PRKG1: variants seen among roughly 807,000 people sequenced by gnomAD.
PRKG1 encodes protein kinase cGMP-dependent 1.
Under a neutral mutation model 88.1 loss-of-function variants are expected in PRKG1, and 35 were observed. The ratio of observed to expected loss-of-function variants is 0.40; its 90% CI spans 0.30 to 0.53. The LOEUF is 0.53. PRKG1 is among the 20% of genes least tolerant of loss of function. The pLI, the probability that PRKG1 is intolerant of heterozygous loss-of-function variation, is 0.59. For missense variants in PRKG1, 540 were observed against 839.8 expected, an observed-to-expected ratio of 0.64 and a Z score of 4.41; for synonymous variants, 303 against 292.5, an observed-to-expected ratio of 1.04 and a Z score of -0.37.
At chr10:50,995,024 T>C (rs1177042145) in intron 1 of PRKG1, among the ~76,000 whole-genome samples, 2 of 152,222 alleles carry the variant, frequency 1.3e-5, no homozygotes, top group Middle Eastern at 3.2e-3. Flanking sequence ...TCTGTGGATT[T>C]TGGTATCCTC....
At chr10:52,240,095 C>T (rs1471605871) in intron 9 of PRKG1, among the ~76,000 whole-genome samples, 1 of 152,142 alleles carries the variant, frequency 6.6e-6, no homozygotes, top group Non-Finnish European at 1.5e-5. Context: ...AAGAAGATCA[C>T]AATTCAATTA....
chr10:52,011,325 A>G (rs726195), intron 5 of PRKG1, among the ~76,000 whole-genome samples: 37,209 of 152,162 alleles, frequency 0.24, 4,766 homozygotes, highest in East Asian at 0.32. Flanking sequence ...AAAAGCCTAC[A>G]TGTGCTGTTA....
At chr10:51,471,636 G>A (rs1028665005) in intron 3 of PRKG1, among the ~76,000 whole-genome samples, 4 of 151,836 alleles carry the variant, frequency 2.6e-5, no homozygotes, top group African/African-American at 7.3e-5. Flanking sequence ...AGGAAAAGGC[G>A]TTTCATTTAC....
chr10:51,877,192 G>A (rs1172573739), intron 4 of PRKG1, among the ~76,000 whole-genome samples: 1 of 152,050 alleles, frequency 6.6e-6, no homozygotes, highest in Non-Finnish European at 1.5e-5. Context: ...CTGTGTATCT[G>A]TGACTACAGG....
At chr10:51,731,501 A>G (rs539454850) in intron 3 of PRKG1, among the ~76,000 whole-genome samples, 18 of 152,320 alleles carry the variant, frequency 1.2e-4, no homozygotes, top group Middle Eastern at 6.8e-3. Context: ...AGGCCTGAAG[A>G]AAGAAGCCCA....
intron 5 of PRKG1, among the ~76,000 whole-genome samples, chr10:51,948,316 T>C (rs1009765901): frequency 1.3e-5 from 2 of 152,186 alleles, no homozygotes; most frequent in African/African-American, 2.4e-5. Flanking sequence ...TTTAAGTATA[T>C]ATATACTGTT....
At chr10:52,283,735 G>T (rs1842051595) in intron 14 of PRKG1, among the ~76,000 whole-genome samples, 1 of 151,928 alleles carries the variant, frequency 6.6e-6, no homozygotes, top group African/African-American at 2.4e-5. Flanking sequence ...GAAAAATTTG[G>T]ACAAAGTAGA....
At chr10:51,835,972 T>A (rs976938349) in intron 4 of PRKG1, among the ~76,000 whole-genome samples, 1 of 152,224 alleles carries the variant, frequency 6.6e-6, no homozygotes, top group Non-Finnish European at 1.5e-5. Context: ...TTTTCATTTC[T>A]CTGTGATTAG....
chr10:51,024,489 T>C (rs757486302), intron 1 of PRKG1, among the ~76,000 whole-genome samples: 11 of 152,186 alleles, frequency 7.2e-5, no homozygotes, highest in Non-Finnish European at 1.6e-4. Flanking sequence ...TAATAACCTA[T>C]GGCATAGATA....
At chr10:51,350,617 G>A (rs530254182) in intron 2 of PRKG1, among the ~76,000 whole-genome samples, 6 of 152,158 alleles carry the variant, frequency 3.9e-5, no homozygotes, top group Admixed American at 1.3e-4. Flanking sequence ...CATCTAAATC[G>A]GAAAGGAAGA....
Position 51,467,770 on chromosome 10 carries a change from G to C in PRKG1, c.526G>C (p.Gly176Arg). ...TKEGVKLCTM[G>R]PGKVFGELAI... ...AGAAGGTGTGAAGTTGTGTACCATG[G>C]GTCCAGGAAAAGTGTTTGGGGAATT... The change falls in exon 3 of 18, where the codon GGT (glycine) becomes CGT (arginine). Residue 176 changes from glycine (G) to arginine (R), a missense_variant. By Grantham distance (125) the Gly-to-Arg change is moderately radical. Around this residue, in one of 5 missense-constraint regions of PRKG1, gnomAD observed 400 missense variants for 562.7 expected, o/e 0.71. Coordinates refer to ENST00000373980, the MANE Select transcript of PRKG1 (RefSeq NM_006258.4). 1 of 1,612,738 alleles carries C rather than the reference G, an allele frequency of 6.2e-7. No homozygotes were observed. Among genetic ancestry groups the C allele is most frequent in the Non-Finnish European group, 8.5e-7 (1 of 1,178,988 alleles).
At position 52,145,438 on chromosome 10, in the gene PRKG1, C is replaced by T. The variant is rs1295996252; in HGVS notation, c.1001+11533C>T. 2.6e-5 allele frequency among the ~76,000 whole-genome samples: 4 copies of T among 152,144 alleles called. No individual in the cohort carries two copies. In the East Asian group the frequency reaches 7.7e-4, roughly 29 times the overall value. Reference sequence around the variant, plus strand: ...TCATAAATATCCATCTTAATTTCTTCAGTTAAAAAGATAATATTTGAAATT... The same window carrying T: ...TCATAAATATCCATCTTAATTTCTTTAGTTAAAAAGATAATATTTGAAATT... On this transcript the variant is annotated intron_variant, in intron 8 of 17. Transcript: ENST00000373980.
At chr10:51,222,113 G>A (rs990905986) in intron 2 of PRKG1, among the ~76,000 whole-genome samples, 3 of 133,602 alleles carry the variant, frequency 2.2e-5, no homozygotes, top group African/African-American at 3.6e-5. Context: ...CTGGCCTCAC[G>A]TGATCCGCGC....
intron 9 of PRKG1, among the ~76,000 whole-genome samples, chr10:52,245,295 G>A (rs1331774335): frequency 3.3e-5 from 5 of 151,966 alleles, no homozygotes; most frequent in South Asian, 2.1e-4. Context: ...GGATTTCTGG[G>A]CATTTATCTG....
At chr10:52,136,815 C>T (rs921419006) in intron 8 of PRKG1, among the ~76,000 whole-genome samples, 8 of 151,980 alleles carry the variant, frequency 5.3e-5, no homozygotes, top group Non-Finnish European at 8.8e-5. Flanking sequence ...TCTCTCTACT[C>T]AGCATTGGTT....
At chr10:51,613,604 A>G (rs1398549000) in intron 3 of PRKG1, among the ~76,000 whole-genome samples, 2 of 151,184 alleles carry the variant, frequency 1.3e-5, no homozygotes, top group Non-Finnish European at 3.0e-5. Context: ...AAATTTTTCT[A>G]CTTTCTTGAT....
intron 10 of PRKG1, among the ~76,000 whole-genome samples, chr10:52,270,146 T>C (rs1841680483): frequency 6.6e-6 from 1 of 152,088 alleles, no homozygotes; most frequent in Non-Finnish European, 1.5e-5. Flanking sequence ...CAGTCAGTAC[T>C]GAAGAAATAA....
At chr10:52,166,809 G>GTATATATGTA (rs1838467526) in intron 9 of PRKG1, among the ~76,000 whole-genome samples, 2 of 70,194 alleles carry the variant, frequency 2.8e-5, no homozygotes, top group African/African-American at 2.2e-4. Context: ...ATATATATAT[G>GTATATATGTA]TATATATATG....
At chr10:51,127,132 C>T (rs560662058) in intron 1 of PRKG1, among the ~76,000 whole-genome samples, 21 of 152,060 alleles carry the variant, frequency 1.4e-4, no homozygotes, top group East Asian at 1.4e-3. Context: ...TAAACTAAAG[C>T]GCTTCTACAC....
Sources: gnomAD v4.1 joint callset for allele counts (sites outside exome capture counted in the v4.1 genomes callset) on GRCh38, gnomAD v4.1.1 for gene constraint, gnomAD v4.1.1 regional missense constraint, MANE v1.5 for transcripts, NCBI Gene and HGNC (gene_info 2026-07-23, HGNC 2026-07-21) for gene names.